CABP1: variants seen among roughly 807,000 people sequenced by gnomAD.
CABP1 encodes the protein calcium-binding protein 1.
A neutral mutation model predicts 34.3 loss-of-function variants in CABP1; 17 were observed. The ratio of observed to expected loss-of-function variants is 0.50; its 90% CI spans 0.34 to 0.74. The LOEUF (loss-of-function observed/expected upper bound fraction) is 0.74, where lower values mean the gene tolerates loss of function less well. Ranked by LOEUF, CABP1 falls within the 30% of genes least tolerant of loss-of-function variation. CABP1 has a pLI of 0.01. For synonymous variants in CABP1, 198 were observed against 229.2 expected, an observed-to-expected ratio of 0.86 and a Z score of 1.23; for missense variants, 373 against 511.1, an observed-to-expected ratio of 0.73 and a Z score of 2.61.
downstream of CABP1, among the ~76,000 whole-genome samples, chr12:120,669,171 C>G (rs1426061348): frequency 6.6e-6 from 1 of 152,218 alleles, no homozygotes; most frequent in Non-Finnish European, 1.5e-5. Context: ...GATCCTTATT[C>G]TCAGACCTGG....
rs1458675900 is a variant in CABP1, at chr12:120,641,347, C to G, written c.654+8C>G. ...AGCTCCGCCTTTGGCCAGGTAAGGG[C>G]CGCGCCTCCCGTCAGCGCTCCCGGG... On this transcript the variant is annotated splice_region_variant and intron_variant, in intron 1 of 5. Transcript: ENST00000316803. The surrounding 1 kb of genome is among the most constrained non-coding windows in gnomAD (Gnocchi z 6.7). 3.1e-6 allele frequency: 4 copies of G among 1,278,230 alleles called. No individual in the cohort carries two copies. In the East Asian group the frequency reaches 1.2e-4, roughly 40 times the overall value. 79.2% of individuals were successfully genotyped at this position (1,278,230 alleles called of 1,614,324 possible).
intron 1 of CABP1, among the ~76,000 whole-genome samples, chr12:120,649,076 C>T (rs1209243715): frequency 6.6e-6 from 1 of 152,008 alleles, no homozygotes; most frequent in African/African-American, 2.4e-5. Context: ...TCCATCTCCC[C>T]CTCCAGAGGT....
Position 120,666,388 on chromosome 12 carries a change from C to G in CABP1, c.1088-487C>G, listed in dbSNP as rs568145801. Among the ~76,000 whole-genome samples, 7 of 147,742 alleles carry G rather than the reference C, an allele frequency of 4.7e-5. No individual in the cohort carries two copies. In the South Asian group the frequency reaches 1.3e-3, roughly 28 times the overall value. ...ACTAGGGAGGCTGAGGCAGGAGAAT[C>G]GCTTGAACCCAGGAGGTGGAGGCTT... On this transcript the variant is annotated intron_variant, in intron 5 of 5. Transcript: ENST00000316803.
chr12:120,649,318 T>C (rs1879701326), intron 1 of CABP1, among the ~76,000 whole-genome samples: 1 of 152,162 alleles, frequency 6.6e-6, no homozygotes, highest in Non-Finnish European at 1.5e-5. Context: ...AAAACTGAGC[T>C]AGCGTGCAAG....
chr12:120,654,793 T>C (rs1880069587), intron 1 of CABP1, among the ~76,000 whole-genome samples: 1 of 152,174 alleles, frequency 6.6e-6, no homozygotes. Flanking sequence ...GCTGTTGTCC[T>C]AAGGGGAAGG....
In CABP1 at chr12:120,651,121, C is replaced by T. The variant is rs533196536; in HGVS notation, c.655-8757C>T. On this transcript the variant is annotated intron_variant, in intron 1 of 5. Transcript: ENST00000316803. Reference sequence around the variant, plus strand: ...GAGGGTCTGTGAGCCTCTCTGATGGCCTCTAAGCCTTCAGAATTGTGGATT... The same window carrying T: ...GAGGGTCTGTGAGCCTCTCTGATGGTCTCTAAGCCTTCAGAATTGTGGATT... 1.2e-4 allele frequency among the ~76,000 whole-genome samples: 18 copies of T among 152,238 alleles called. No homozygotes were observed. In the South Asian group the frequency reaches 1.9e-3, roughly 16 times the overall value.
downstream of CABP1, among the ~76,000 whole-genome samples, chr12:120,669,396 A>G (rs1362546231): frequency 6.6e-6 from 1 of 152,234 alleles, no homozygotes; most frequent in African/African-American, 2.4e-5. Context: ...TGTTTCAGAA[A>G]CACAGTGGCC....
chr12:120,655,835 G>C (rs1333307957), intron 1 of CABP1: 2 of 1,490,140 alleles, frequency 1.3e-6, no homozygotes, highest in South Asian at 2.5e-5. Flanking sequence ...GCGTGCGTGT[G>C]TGTGTGTGTG....
At chr12:120,652,115 G>A (rs1280678029) in intron 1 of CABP1, among the ~76,000 whole-genome samples, 3 of 152,062 alleles carry the variant, frequency 2.0e-5, no homozygotes, top group Admixed American at 1.3e-4. Flanking sequence ...CCATCAATTG[G>A]GCATACTAAT....
rs764563535 is a variant in CABP1, at chr12:120,660,176, A to T, written c.686-20A>T. 17 of 1,613,468 alleles carry T rather than the reference A, an allele frequency of 1.1e-5. No individual in the cohort carries two copies. The South Asian group carries it at 1.8e-4, about 17-fold the overall frequency. The stretch of plus-strand genomic sequence containing the variant: ...GCGGGTCCTACCCCTGACCACATCC[A>T]CCTTTGCTCACTTCCCCAGAGCTCC... On this transcript the variant is annotated intron_variant, in intron 2 of 5. Coordinates refer to ENST00000316803, the MANE Select transcript of CABP1 (RefSeq NM_001033677.2). The surrounding 1 kb of genome is among the most constrained non-coding windows in gnomAD (Gnocchi z 5.0).
chr12:120,673,067 C>T, the CABP1 span, among the ~76,000 whole-genome samples: 1 of 151,826 alleles, frequency 6.6e-6, no homozygotes. Context: ...AAAAAGAAAC[C>T]CAAGGGAATT....
At chr12:120,649,463 G>A (rs868384163) in intron 1 of CABP1, among the ~76,000 whole-genome samples, 3 of 152,184 alleles carry the variant, frequency 2.0e-5, no homozygotes, top group Non-Finnish European at 4.4e-5. Context: ...GACATCTGAG[G>A]CGTGAGATGA....
chr12:120,641,293 C>G lies in CABP1; in HGVS notation c.608C>G (p.Pro203Arg). 3 of 1,328,238 alleles carry G rather than the reference C, an allele frequency of 2.3e-6. No individual in the cohort carries two copies. Among genetic ancestry groups the G allele is most frequent in the Non-Finnish European group, 2.9e-6 (3 of 1,040,718 alleles). The allele number at this position is 1,328,238 out of a possible 1,614,324, so 82.3% of individuals were successfully genotyped here. Residue 203 changes from proline to arginine, a missense_variant, in exon 1 of 6, where the codon CCG (proline) becomes CGG (arginine). Transcript: ENST00000316803. This position sits in a 1 kb window ranked among gnomAD's most constrained non-coding sequence, Gnocchi z 6.7. The part of the protein sequence containing the change: ...SVPAAASEAD[P>R]FLHRLRPMLS... ...CCAGCCGCCGCGTCCGAGGCGGACC[C>G]GTTCCTCCACCGGCTGCGCCCCATG...
intron 1 of CABP1, among the ~76,000 whole-genome samples, chr12:120,657,568 C>T (rs1371965277): frequency 6.6e-6 from 1 of 152,178 alleles, no homozygotes; most frequent in African/African-American, 2.4e-5. Flanking sequence ...TTCCACCTGA[C>T]CCTGAGTTGC....
chr12:120,678,361 C>A, the CABP1 span, among the ~76,000 whole-genome samples: 1 of 152,148 alleles, frequency 6.6e-6, no homozygotes, highest in African/African-American at 2.4e-5. Flanking sequence ...AGCTGCTGCA[C>A]CTTCCCCTTT....
chr12:120,642,114 C>T (rs1249187790), intron 1 of CABP1, among the ~76,000 whole-genome samples: 2 of 152,114 alleles, frequency 1.3e-5, no homozygotes, highest in Non-Finnish European at 2.9e-5. Context: ...GGCTGTGCTG[C>T]TGGGGAAACA....
At chr12:120,672,117 A>G (rs2137387667), downstream of CABP1, among the ~76,000 whole-genome samples, 1 of 152,210 alleles carries the variant, frequency 6.6e-6, no homozygotes, top group South Asian at 2.1e-4. Flanking sequence ...GATACCACTG[A>G]TGAGAGAACA....
At chr12:120,654,679 CG>C (rs1353258169) in intron 1 of CABP1, among the ~76,000 whole-genome samples, 7 of 151,282 alleles carry the variant, frequency 4.6e-5, no homozygotes, top group South Asian at 4.2e-4. Context: ...GAGTGCAGGC[CG>C]AAGGCAGAGT....
At chr12:120,662,159 C>A (rs1242653669) in intron 5 of CABP1, 1 of 152,286 alleles carries the variant, frequency 6.6e-6, no homozygotes, top group Non-Finnish European at 1.5e-5. Context: ...CGCATGCATC[C>A]ATCCACGGTA....
Sources: allele counts gnomAD v4.1 joint callset (sites outside exome capture counted in the v4.1 genomes callset), GRCh38; gene constraint gnomAD v4.1.1; non-coding constraint Gnocchi (gnomAD v3.1); transcripts MANE v1.5; gene names NCBI Gene and HGNC (gene_info 2026-07-23, HGNC 2026-07-21).